The following MPP2 variants were observed in gnomAD, a reference collection of about 807,000 sequenced individuals.
The protein encoded by MPP2 is MAGUK p55 scaffold protein 2, also known as MAGUK p55 subfamily member 2.
Under a neutral mutation model 58.5 loss-of-function variants are expected in MPP2, and 42 were observed. The ratio of observed to expected loss-of-function variants is 0.72; its 90% CI spans 0.56 to 0.93. The LOEUF is 0.93. Ranked by LOEUF, MPP2 falls within the 40% of genes least tolerant of loss-of-function variation. The pLI is 0.00. For synonymous variants in MPP2, 300 were observed against 307.8 expected, an observed-to-expected ratio of 0.97 and a Z score of 0.26; for missense variants, 632 against 760.4, an observed-to-expected ratio of 0.83 and a Z score of 1.99.
At chr17:43,887,662 C>T (rs1309884386) in intron 3 of MPP2, among the ~76,000 whole-genome samples, 1 of 151,832 alleles carries the variant, frequency 6.6e-6, no homozygotes, top group African/African-American at 2.4e-5. Context: ...AAATTCATGG[C>T]AGGGCACAAT....
intron 8 of MPP2, 31 bp from the exon 9 acceptor site, chr17:43,881,189 G>A: frequency 6.2e-7 from 1 of 1,613,828 alleles, no homozygotes; most frequent in Non-Finnish European, 8.5e-7. Flanking sequence ...GAGTGAGGCA[G>A]ACAGGGCCCT....
chr17:43,900,460 CCCTTCCCTA>C (rs2048042290), intron 2 of MPP2: 3 of 1,548,694 alleles, frequency 1.9e-6, no homozygotes, highest in Non-Finnish European at 1.7e-6. Flanking sequence ...ATCTGGCCCG[CCCTTCCCTA>C]CCTTCCCTCT....
chr17:43,891,099 T>C (rs1336395644), intron 3 of MPP2, among the ~76,000 whole-genome samples: 1 of 152,192 alleles, frequency 6.6e-6, no homozygotes, highest in Non-Finnish European at 1.5e-5. Context: ...GTGACCTCCC[T>C]AGACCTTTAT....
chr17:43,881,587 T>C lies in MPP2; in HGVS notation c.684A>G (p.Val228=), dbSNP rs986404585. Residue 228 remains valine (V), a splice_region_variant and synonymous_variant, in exon 7 of 13, where the codon GTA becomes GTG. Transcript: ENST00000269095. ...CATAGTCAAAGTGACATTTCACAAATACCTGGGCCCAGGAATCAGCAAAGG... is the reference window on the plus strand; with the variant it reads ...CATAGTCAAAGTGACATTTCACAAACACCTGGGCCCAGGAATCAGCAAAGG... ...SYQEPHLPRQ[V]FVKCHFDYDP... The C allele has an allele frequency of 4.2e-5, 67 of 1,613,472 alleles. No individual in the cohort carries two copies. The highest frequency in any genetic ancestry group is 5.6e-5 in the Non-Finnish European group (66 of 1,179,790).
In MPP2 at chr17:43,907,530, G is replaced by C. The variant is rs190514312; in HGVS notation, c.-90C>G. 9.1e-6 allele frequency: 9 copies of C among 985,528 alleles called. No individual in the cohort carries two copies. The highest frequency in any genetic ancestry group is 2.3e-4 in the East Asian group (2 of 8,818). 61.0% of individuals were successfully genotyped at this position (985,528 alleles called of 1,614,324 possible). On this transcript the variant is annotated 5_prime_UTR_variant, in exon 1 of 13. Transcript: ENST00000269095. ...GCTCCAGCGCAGCCGGGCGCTCAGCGTTTATTGCTTGTCAATCGCTAGCCC... is the reference window on the plus strand; with the variant it reads ...GCTCCAGCGCAGCCGGGCGCTCAGCCTTTATTGCTTGTCAATCGCTAGCCC...
At chr17:43,907,926 C>T (rs1231759100), upstream of MPP2, 43 of 985,274 alleles carry the variant, frequency 4.4e-5, no homozygotes, top group Non-Finnish European at 5.2e-5. Flanking sequence ...ATCCTGCTTC[C>T]ATATTGAGAA....
chr17:43,907,156 A>G (rs1347853724), intron 1 of MPP2: 3 of 984,476 alleles, frequency 3.0e-6, no homozygotes, highest in Non-Finnish European at 2.4e-6. Flanking sequence ...AGTACCCCCA[A>G]CCCGCACAGC....
At chr17:43,881,053 T>C (rs2047090421) in intron 9 of MPP2, 37 bp downstream of exon 9, 1 of 1,606,218 alleles carries the variant, frequency 6.2e-7, no homozygotes, top group Admixed American at 1.7e-5. Context: ...CATGCCATGT[T>C]AGAGGAGGGT....
chr17:43,908,076 G>T, upstream of MPP2: 1 of 630,964 alleles, frequency 1.6e-6, no homozygotes, highest in Non-Finnish European at 2.0e-6. Flanking sequence ...GCAAAAAAGA[G>T]GAAATGTCTT....
chr17:43,879,680 A>G lies in MPP2; in HGVS notation c.1353+102T>C. 1 of 1,332,492 alleles carries G rather than the reference A, an allele frequency of 7.5e-7. No individual in the cohort carries two copies. The highest frequency in any genetic ancestry group is 1.0e-6 in the Non-Finnish European group (1 of 961,868). The allele number at this position is 1,332,492 out of a possible 1,614,324, so 82.5% of individuals were successfully genotyped here. On this transcript the variant is annotated intron_variant, in intron 11 of 12. Transcript: ENST00000269095. The surrounding 1 kb of genome is among the most constrained non-coding windows in gnomAD (Gnocchi z 4.1). ...AGCAGTAGTTGAGGGCAAAGGGGGT[A>G]CATGGGCGTGTTCAGGTGACAGGTG...
At chr17:43,906,846 G>A (rs1375068883) in intron 1 of MPP2, among the ~76,000 whole-genome samples, 1 of 83,556 alleles carries the variant, frequency 1.2e-5, no homozygotes, top group East Asian at 2.9e-4. Flanking sequence ...CCCCCACCCC[G>A]TCTTTATCCG....
chr17:43,901,598 C>T, intron 2 of MPP2: 1 of 985,260 alleles, frequency 1.0e-6, no homozygotes, highest in Non-Finnish European at 1.2e-6. Flanking sequence ...AGTAGAATTA[C>T]ACACCAGGAC....
chr17:43,893,652 A>T (rs957029422), intron 3 of MPP2, among the ~76,000 whole-genome samples: 1 of 152,276 alleles, frequency 6.6e-6, no homozygotes, highest in Admixed American at 6.5e-5. Context: ...AGGGGCACCA[A>T]CCCTACCGTG....
chr17:43,907,319 G>A, intron 1 of MPP2, 155 bp downstream of exon 1: 2 of 985,690 alleles, frequency 2.0e-6, no homozygotes, highest in Non-Finnish European at 1.2e-6. Flanking sequence ...AGAGGGCCCA[G>A]GGGCGGGGGC....
At chr17:43,884,507 C>A (rs1263320244) in intron 3 of MPP2, among the ~76,000 whole-genome samples, 1 of 152,224 alleles carries the variant, frequency 6.6e-6, no homozygotes, top group Non-Finnish European at 1.5e-5. Context: ...GCATGAGCCA[C>A]TGCACCCAGC....
chr17:43,878,993 C>T (rs776114881), intron 12 of MPP2, among the ~76,000 whole-genome samples: 1 of 152,210 alleles, frequency 6.6e-6, no homozygotes, highest in African/African-American at 2.4e-5. Flanking sequence ...TCTCTCTGGC[C>T]AGCACTCTGT....
chr17:43,906,493 C>T (rs2048293446), intron 1 of MPP2, among the ~76,000 whole-genome samples: 1 of 152,178 alleles, frequency 6.6e-6, no homozygotes. Context: ...GGCGAGCGGA[C>T]CAGCAGTGAA....
At chr17:43,900,628 C>T (rs1439100360) in intron 2 of MPP2, 3 of 1,456,446 alleles carry the variant, frequency 2.1e-6, no homozygotes, top group African/African-American at 1.4e-5. Context: ...AAAGCCTGGC[C>T]GGGCTGGGGA....
At chr17:43,898,228 G>A (rs1301517934) in intron 3 of MPP2, 34 bp downstream of exon 3, 2 of 1,533,868 alleles carry the variant, frequency 1.3e-6, no homozygotes, top group Admixed American at 1.7e-5. Flanking sequence ...CCCAAGCACA[G>A]TGCCCTTGTG....
Sources: allele counts gnomAD v4.1 joint callset (sites outside exome capture counted in the v4.1 genomes callset), GRCh38; gene constraint gnomAD v4.1.1; non-coding constraint Gnocchi (gnomAD v3.1); transcripts MANE v1.5; gene names NCBI Gene and HGNC (gene_info 2026-07-23, HGNC 2026-07-21).